The following SLC36A2 variants were observed in gnomAD, a reference collection of about 807,000 sequenced individuals.
SLC36A2 encodes proton-coupled amino acid transporter 2.
SLC36A2 carries 39 observed loss-of-function variants against 42.7 expected under a neutral mutation model. The observed-to-expected ratio is 0.91, with a 90% CI of 0.71 to 1.19. The LOEUF (loss-of-function observed/expected upper bound fraction) is 1.19, where lower values mean the gene tolerates loss of function less well. Among genes scored for constraint, SLC36A2 ranks in the 50% most tolerant of loss-of-function variants. The pLI, the probability that SLC36A2 is intolerant of heterozygous loss-of-function variation, is 0.00. For missense variants in SLC36A2, 590 were observed against 613.7 expected (o/e 0.96, Z 0.41); for synonymous variants, 237 against 240.8 (o/e 0.98, Z 0.15).
intron 9 of SLC36A2, among the ~76,000 whole-genome samples, chr5:151,318,609 AAAT>A (rs1447132135): frequency 6.8e-6 from 1 of 146,600 alleles, no homozygotes; most frequent in Non-Finnish European, 1.5e-5. Context: ...TAATAAATAT[AAAT>A]AATATAAATA....
chr5:151,345,310 G>A (rs1424294254), intron 1 of SLC36A2, among the ~76,000 whole-genome samples: 1 of 152,136 alleles, frequency 6.6e-6, no homozygotes, highest in East Asian at 1.9e-4. Flanking sequence ...CCCGGTCTCT[G>A]GGATTTGACA....
Position 151,325,423 on chromosome 5 carries a change from A to C in SLC36A2, c.873T>G (p.Asn291Lys). Reference sequence around the variant, plus strand: ...ACAGGATGGCTGGGAAGTGGCGGGCATTCTTCATCTTGTTTTCCAGAGGCA... The same window carrying C: ...ACAGGATGGCTGGGAAGTGGCGGGCCTTCTTCATCTTGTTTTCCAGAGGCA... ...VVLPLENKMK[N>K]ARHFPAILSL... The change falls in exon 8 of 10, where the codon AAT becomes AAG. Residue 291 changes from asparagine to lysine, a missense_variant. Asn to Lys is a moderately conservative substitution (Grantham distance 94). Coordinates refer to ENST00000335244, the MANE Select transcript of SLC36A2 (RefSeq NM_181776.3). 1 of 1,614,182 alleles carries C rather than the reference A, an allele frequency of 6.2e-7. No individual in the cohort carries two copies. The highest frequency in any genetic ancestry group is 8.5e-7 in the Non-Finnish European group (1 of 1,180,032).
At position 151,316,888 on chromosome 5, in the gene SLC36A2, G is replaced by GCTC; in HGVS notation, c.1380_1381insGAG (p.Tyr460_Gln461insGlu). 1.2e-6 allele frequency: 2 copies of GCTC among 1,614,152 alleles called. No individual in the cohort carries two copies. Among genetic ancestry groups the GCTC allele is most frequent in the Non-Finnish European group, 1.7e-6 (2 of 1,180,020 alleles). ...GACTTGAGCAGCTCGTCCAGGGCCT[G>GCTC]GTAGGTCCCCACCACAAAGCCCACG... On this transcript the variant is annotated inframe_insertion, in exon 10 of 10. Transcript: ENST00000335244.
intron 7 of SLC36A2, among the ~76,000 whole-genome samples, chr5:151,328,853 T>C (rs246492): frequency 0.65 from 98,705 of 152,064 alleles, 32,734 homozygotes; most frequent in East Asian, 0.86. Context: ...CTGCATGATT[T>C]GCCTGCTCAC....
intron 5 of SLC36A2, among the ~76,000 whole-genome samples, chr5:151,338,445 G>T (rs902729075): frequency 2.0e-5 from 3 of 152,160 alleles, no homozygotes; most frequent in African/African-American, 7.2e-5. Flanking sequence ...GGGAGACAGT[G>T]GGAGGCTCAC....
At chr5:151,324,343 T>C (rs1281373033) in intron 8 of SLC36A2, among the ~76,000 whole-genome samples, 1 of 143,742 alleles carries the variant, frequency 7.0e-6, no homozygotes, top group Non-Finnish European at 1.5e-5. Flanking sequence ...ATTTATTTAT[T>C]TATTTTGAGA....
At chr5:151,346,921 T>G (rs1265333695) in intron 1 of SLC36A2, among the ~76,000 whole-genome samples, 1 of 152,226 alleles carries the variant, frequency 6.6e-6, no homozygotes, top group African/African-American at 2.4e-5. Context: ...AGGACTCACC[T>G]TCTCCTCCAA....
intron 4 of SLC36A2, among the ~76,000 whole-genome samples, chr5:151,340,308 C>G (rs554231453): frequency 2.8e-4 from 41 of 148,486 alleles, no homozygotes; most frequent in African/African-American, 7.0e-4. Flanking sequence ...AAGAAGAAGA[C>G]GAGGAGGAGG....
At chr5:151,326,474 A>G (rs563775726) in intron 7 of SLC36A2, among the ~76,000 whole-genome samples, 23 of 152,280 alleles carry the variant, frequency 1.5e-4, no homozygotes, top group African/African-American at 5.3e-4. Context: ...GGGACCAGAG[A>G]GCGCTTCCTG....
intron 5 of SLC36A2, among the ~76,000 whole-genome samples, chr5:151,337,448 T>C (rs2127295719): frequency 6.6e-6 from 1 of 152,332 alleles, no homozygotes; most frequent in East Asian, 1.9e-4. Context: ...GATATTTAAC[T>C]TATTAGGTTT....
intron 7 of SLC36A2, among the ~76,000 whole-genome samples, chr5:151,328,015 A>G (rs1255569026): frequency 6.6e-6 from 1 of 152,228 alleles, no homozygotes; most frequent in African/African-American, 2.4e-5. Context: ...GGCATTCAAG[A>G]AATACTTACT....
chr5:151,316,223 A>G lies in SLC36A2; in HGVS notation c.*594T>C, dbSNP rs1755486393. The G allele has an allele frequency of 1.3e-5, 2 of 154,076 alleles. No individual in the cohort carries two copies. The highest frequency in any genetic ancestry group is 1.3e-4 in the Admixed American group (2 of 15,588). 9.5% of individuals were successfully genotyped at this position (154,076 alleles called of 1,614,324 possible). On this transcript the variant is annotated 3_prime_UTR_variant, in exon 10 of 10. Transcript: ENST00000335244. ...TGGTGGCTGCTTCTTGCATAGCTCC[A>G]CGCTAGGTATGAAATTCATTGTGTG...
chr5:151,320,576 C>G (rs1237724428), intron 9 of SLC36A2, among the ~76,000 whole-genome samples: 2 of 152,146 alleles, frequency 1.3e-5, no homozygotes, highest in Admixed American at 6.5e-5. Flanking sequence ...CTAGCCATCT[C>G]CTTCGGCCTC....
rs760475401 is a variant in SLC36A2 at position 151,325,221 on chromosome 5, A to G, written c.1010+65T>C. On this transcript the variant is annotated intron_variant, in intron 8 of 9. Transcript: ENST00000335244. The stretch of plus-strand genomic sequence containing the variant: ...CAGTTTCCCAGCTGTGGAAGGGAGG[A>G]GGAAGTGACCTATACGTTTCCACCC... 8.9e-6 allele frequency: 14 copies of G among 1,565,236 alleles called. No individual in the cohort carries two copies. The South Asian group carries it at 1.6e-4, about 18-fold the overall frequency.
intron 5 of SLC36A2, among the ~76,000 whole-genome samples, chr5:151,335,767 G>T (rs568652458): frequency 1.3e-5 from 2 of 152,104 alleles, no homozygotes; most frequent in African/African-American, 4.8e-5. Context: ...AGTGGCTCAC[G>T]CCTGTAATCC....
rs575694476 is a variant in SLC36A2 at position 151,333,723 on chromosome 5, G to A, written c.745-401C>T. ...CTAAAAATACAAAAATTAGCCGGGCGTGGTGGTGGGCGCCTGTAGTCCCAG... is the reference window on the plus strand; with the variant it reads ...CTAAAAATACAAAAATTAGCCGGGCATGGTGGTGGGCGCCTGTAGTCCCAG... On this transcript the variant is annotated intron_variant, in intron 6 of 9. Coordinates refer to ENST00000335244, the MANE Select transcript of SLC36A2 (RefSeq NM_181776.3). 3.9e-5 allele frequency among the ~76,000 whole-genome samples: 6 copies of A among 152,172 alleles called. No individual in the cohort carries two copies. The East Asian group carries it at 5.8e-4, about 15-fold the overall frequency.
intron 7 of SLC36A2, among the ~76,000 whole-genome samples, chr5:151,332,209 A>C (rs988804957): frequency 6.6e-6 from 1 of 152,214 alleles, no homozygotes; most frequent in East Asian, 1.9e-4. Context: ...GGAAAAAAGA[A>C]GAGGAGAAGA....
At chr5:151,321,678 A>T (rs925414723) in intron 9 of SLC36A2, among the ~76,000 whole-genome samples, 7 of 119,452 alleles carry the variant, frequency 5.9e-5, no homozygotes, top group African/African-American at 2.1e-4. Flanking sequence ...CATCTGACTG[A>T]TTCTTTTTTT....
At chr5:151,344,346 A>ATCAGGTGCTG in intron 1 of SLC36A2, 79 bp from the exon 2 acceptor site, 2 of 1,196,004 alleles carry the variant, frequency 1.7e-6, no homozygotes, top group Non-Finnish European at 2.4e-6. Context: ...GCAGCATGCC[A>ATCAGGTGCTG]GCACCTGATA....
Sources: allele counts gnomAD v4.1 joint callset (sites outside exome capture counted in the v4.1 genomes callset), GRCh38; gene constraint gnomAD v4.1.1; transcripts MANE v1.5; gene names NCBI Gene and HGNC (gene_info 2026-07-23, HGNC 2026-07-21).